ELF5: variants seen among roughly 807,000 people sequenced by gnomAD.
ELF5 encodes the protein E74 like ETS transcription factor 5.
ELF5 carries 31 observed loss-of-function variants against 38.2 expected under a neutral mutation model. That is an observed-to-expected ratio of 0.81 (90% CI 0.61 to 1.10). The LOEUF (loss-of-function observed/expected upper bound fraction) is 1.10, where lower values mean the gene tolerates loss of function less well. ELF5 is among the 50% of genes least tolerant of loss of function. ELF5 has a pLI of 0.00. For synonymous variants in ELF5, 121 were observed against 112.5 expected (o/e 1.08, Z -0.48); for missense variants, 300 against 306.6 (o/e 0.98, Z 0.16).
intron 3 of ELF5, chr11:34,492,569 C>T (rs1004859291): frequency 6.6e-6 from 1 of 152,162 alleles, no homozygotes; most frequent in Non-Finnish European, 1.5e-5. Context: ...TAATATGCCT[C>T]TTGATTATAT....
At chr11:34,509,328 G>A (rs2602540) in intron 1 of ELF5, among the ~76,000 whole-genome samples, 113,554 of 151,882 alleles carry the variant, frequency 0.75, 42,602 homozygotes, top group Middle Eastern at 0.79. Context: ...ACTCTGTCTC[G>A]AAAACAACAA....
chr11:34,509,517 A>G (rs1850699082), intron 1 of ELF5, among the ~76,000 whole-genome samples: 2 of 151,922 alleles, frequency 1.3e-5, no homozygotes, highest in African/African-American at 4.8e-5. Flanking sequence ...TATCGTGGGC[A>G]TGGATCTCCT....
chr11:34,487,653 G>A (rs187911827), intron 4 of ELF5, among the ~76,000 whole-genome samples: 38 of 152,134 alleles, frequency 2.5e-4, no homozygotes, highest in African/African-American at 8.4e-4. Flanking sequence ...TCCTGCTCTC[G>A]GCCTCAGCTC....
intron 1 of ELF5, among the ~76,000 whole-genome samples, chr11:34,506,630 C>T (rs1850619760): frequency 6.6e-6 from 1 of 152,112 alleles, no homozygotes; most frequent in South Asian, 2.1e-4. Flanking sequence ...CCTCCCACCT[C>T]CACCTCCCGA....
intron 4 of ELF5, among the ~76,000 whole-genome samples, chr11:34,483,613 T>C (rs1221920707): frequency 6.6e-6 from 1 of 152,044 alleles, no homozygotes; most frequent in Non-Finnish European, 1.5e-5. Flanking sequence ...TACTGTACTA[T>C]ATTATACTAA....
intron 2 of ELF5, among the ~76,000 whole-genome samples, chr11:34,500,063 T>C (rs946280286): frequency 1.2e-4 from 19 of 152,214 alleles, no homozygotes; most frequent in African/African-American, 4.6e-4. Context: ...TCACCTGTTA[T>C]TGGTTATTAT....
At chr11:34,499,862 T>C (rs1188563106) in intron 2 of ELF5, among the ~76,000 whole-genome samples, 2 of 152,208 alleles carry the variant, frequency 1.3e-5, no homozygotes, top group Non-Finnish European at 1.5e-5. Flanking sequence ...TGATTTGAAA[T>C]CTTGGCTCTT....
At chr11:34,487,052 C>G (rs538742075) in intron 4 of ELF5, among the ~76,000 whole-genome samples, 1 of 152,116 alleles carries the variant, frequency 6.6e-6, no homozygotes, top group African/African-American at 2.4e-5. Context: ...AAACTACCAA[C>G]CTGTCGTCTT....
chr11:34,510,311 G>GTT (rs33963110), intron 1 of ELF5, among the ~76,000 whole-genome samples: 17,827 of 139,870 alleles, frequency 0.13, 1,349 homozygotes, highest in Non-Finnish European at 0.18. Context: ...AGAAAAAGGT[G>GTT]TTTTTTTTTT....
intron 4 of ELF5, among the ~76,000 whole-genome samples, chr11:34,483,876 C>CTGTAT (rs1856998532): frequency 6.7e-6 from 1 of 148,254 alleles, no homozygotes; most frequent in Non-Finnish European, 1.5e-5. Flanking sequence ...TATTACTGTA[C>CTGTAT]TGTACTAACA....
chr11:34,486,258 G>GT (rs1849994299), intron 4 of ELF5, among the ~76,000 whole-genome samples: 1 of 152,114 alleles, frequency 6.6e-6, no homozygotes, highest in Non-Finnish European at 1.5e-5. Context: ...ACCCAGGACT[G>GT]TAGGCTTGGT....
chr11:34,493,285 T>C, intron 3 of ELF5, 194 bp downstream of exon 3: 1 of 628,746 alleles, frequency 1.6e-6, no homozygotes, highest in Non-Finnish European at 2.8e-6. Context: ...ATTTGCATTT[T>C]TGTAACTCGC....
At chr11:34,490,622 A>C (rs962380143) in intron 3 of ELF5, among the ~76,000 whole-genome samples, 9 of 152,184 alleles carry the variant, frequency 5.9e-5, no homozygotes, top group African/African-American at 2.2e-4. Context: ...TAATGAGGAT[A>C]TGGAAGATGA....
intron 4 of ELF5, among the ~76,000 whole-genome samples, chr11:34,489,219 T>C (rs190506444): frequency 3.2e-4 from 48 of 152,376 alleles, no homozygotes; most frequent in African/African-American, 9.4e-4. Flanking sequence ...ACGTGAGTCC[T>C]CAGTTGATTG....
intron 1 of ELF5, among the ~76,000 whole-genome samples, chr11:34,508,273 G>C (rs922856893): frequency 6.6e-6 from 1 of 152,042 alleles, no homozygotes; most frequent in Non-Finnish European, 1.5e-5. Context: ...AGGCCGAGGC[G>C]GGTGGGTCAC....
chr11:34,513,281 T>C (rs933133261), intron 1 of ELF5, among the ~76,000 whole-genome samples: 10 of 152,052 alleles, frequency 6.6e-5, no homozygotes, highest in African/African-American at 2.4e-4. Flanking sequence ...GGAAAGGAAT[T>C]CAGTCAGGGG....
At chr11:34,480,409 A>G (rs1856909484) in intron 6 of ELF5, 95 bp from the exon 7 acceptor site, 1 of 995,672 alleles carries the variant, frequency 1.0e-6, no homozygotes, top group Non-Finnish European at 1.6e-6. Context: ...CTCAGGTGAC[A>G]AGGCTGGTCT....
intron 1 of ELF5, among the ~76,000 whole-genome samples, chr11:34,512,802 C>A (rs1201315984): frequency 6.6e-6 from 1 of 152,162 alleles, no homozygotes; most frequent in Non-Finnish European, 1.5e-5. Flanking sequence ...ACGAAGACAA[C>A]AGAATCAAGC....
rs1252123506 is a variant in ELF5, at chr11:34,490,061, T to C, written c.356-2A>G. The C allele has an allele frequency of 6.2e-7, 1 of 1,613,982 alleles. No individual in the cohort carries two copies. Among genetic ancestry groups the C allele is most frequent in the Non-Finnish European group, 8.5e-7 (1 of 1,179,914 alleles). ...CAGCGTCATTAAAAAAGGAGTAACC[T>C]GGGAAAGAAAAAGAAATCCAGAAAC... On this transcript the variant is annotated splice_acceptor_variant, in intron 3 of 6. Transcript: ENST00000257832. LOFTEE classifies it high-confidence loss of function.
Sources: gnomAD v4.1 joint callset for allele counts (sites outside exome capture counted in the v4.1 genomes callset) on GRCh38, gnomAD v4.1.1 for gene constraint, MANE v1.5 for transcripts, NCBI Gene and HGNC (gene_info 2026-07-23, HGNC 2026-07-21) for gene names.